Variants in FBLN1 observed in about 807,000 individuals in gnomAD.
The protein encoded by FBLN1 is fibulin-1.
FBLN1 carries 34 observed loss-of-function variants against 89.7 expected under a neutral mutation model. The ratio of observed to expected loss-of-function variants is 0.38; its 90% CI spans 0.29 to 0.50. The LOEUF is 0.50. FBLN1 is among the 20% of genes least tolerant of loss of function. The probability of loss-of-function intolerance (pLI) is 0.92; values close to 1 mark genes in which losing one functional copy is unlikely to be tolerated. For synonymous variants in FBLN1, 393 were observed against 391.3 expected (o/e 1.00, Z -0.05); for missense variants, 777 against 988.1 (o/e 0.79, Z 2.86).
rs1358183071 is a variant in FBLN1 at position 45,572,805 on chromosome 22, A to G, written c.1698-1706A>G. Reference sequence around the variant, plus strand: ...ATCAGGCCTCTGGATCTGGCTGCCAATGTCCAAGAAATCCAGTGGACAGAG... The same window carrying G: ...ATCAGGCCTCTGGATCTGGCTGCCAGTGTCCAAGAAATCCAGTGGACAGAG... On this transcript the variant is annotated intron_variant, in intron 14 of 16. Transcript: ENST00000327858. The surrounding 1 kb of genome is among the most constrained non-coding windows in gnomAD (Gnocchi z 5.8). 1.3e-5 allele frequency among the ~76,000 whole-genome samples: 2 copies of G among 152,254 alleles called. No individual in the cohort carries two copies. The highest frequency in any genetic ancestry group is 4.8e-5 in the African/African-American group (2 of 41,464).
At chr22:45,540,875 C>T (rs1222929128) in intron 8 of FBLN1, among the ~76,000 whole-genome samples, 3 of 152,242 alleles carry the variant, frequency 2.0e-5, no homozygotes, top group African/African-American at 7.2e-5. Context: ...GTCAGAGTTG[C>T]TGGCACCACG....
At chr22:45,510,847 T>C (rs1243049539) in intron 1 of FBLN1, among the ~76,000 whole-genome samples, 1 of 152,014 alleles carries the variant, frequency 6.6e-6, no homozygotes, top group Non-Finnish European at 1.5e-5. Flanking sequence ...TGGAAAAAAT[T>C]TAGTTTTAGC....
In FBLN1 at chr22:45,542,254, AT is replaced by A; in HGVS notation, c.1170del (p.Phe390LeufsTer141). The A allele has an allele frequency of 6.2e-7, 1 of 1,614,044 alleles. No homozygotes were observed. ...CGCTGCGAATGCAAGACGGGTTACT[AT>A]TTTGACGGCATCAGCAGGATGTGTG... ...SFRCECKTGY[Y>X]FDGISRMCVD... is the part of the protein sequence containing the mutation. On this transcript the variant is annotated frameshift_variant, in exon 10 of 17. Coordinates refer to ENST00000327858, the MANE Select transcript of FBLN1 (RefSeq NM_006486.3). LOFTEE classifies it high-confidence loss of function.
rs1318894529 is a variant in FBLN1 at position 45,542,158 on chromosome 22, T to C, written c.1070T>C (p.Val357Ala). 6.2e-7 allele frequency: 1 copy of C among 1,614,206 alleles called. No homozygotes were observed. Among genetic ancestry groups the C allele is most frequent in the East Asian group, 2.2e-5 (1 of 44,890 alleles). ...GGCTTTCTTTCTCCTTTGCAAGATGTGGACGAGTGCGCGCCACCTGCTGAG... is the reference window on the plus strand; with the variant it reads ...GGCTTTCTTTCTCCTTTGCAAGATGCGGACGAGTGCGCGCCACCTGCTGAG... ...LNEEGTRCVD[V>A]DECAPPAEPC... Residue 357 changes from valine (V) to alanine (A), a missense_variant, in exon 10 of 17, where the codon GTG becomes GCG. By Grantham distance (64) the Val-to-Ala change is moderately conservative. Coordinates refer to ENST00000327858, the MANE Select transcript of FBLN1 (RefSeq NM_006486.3).
intron 1 of FBLN1, among the ~76,000 whole-genome samples, chr22:45,514,662 C>A (rs545807492): frequency 6.6e-6 from 1 of 152,174 alleles, no homozygotes; most frequent in Non-Finnish European, 1.5e-5. Flanking sequence ...CTTTGCATGT[C>A]AAGAGTGGTC....
intron 16 of FBLN1, among the ~76,000 whole-genome samples, chr22:45,599,912 C>T (rs6007107): frequency 0.29 from 44,506 of 152,104 alleles, 9,496 homozygotes; most frequent in African/African-American, 0.6. Context: ...AGTGAAACTC[C>T]GTCGCAAAAA....
chr22:45,594,002 C>G (rs961685918), intron 16 of FBLN1, among the ~76,000 whole-genome samples: 4 of 152,150 alleles, frequency 2.6e-5, no homozygotes, highest in Non-Finnish European at 2.9e-5. Context: ...AGACCAGGTG[C>G]CAGGTGACAT....
rs1569269785 is a variant in FBLN1 at position 45,594,854 on chromosome 22, G to GGA, written c.1973-5453_1973-5452insGA. ...AGTTGATGGATTGCTGAGTGGGTGGGTGGATGGATGGATGGACGGATGGAT... is the reference window on the plus strand; with the variant it reads ...AGTTGATGGATTGCTGAGTGGGTGGGGATGGATGGATGGATGGACGGATGGAT... On this transcript the variant is annotated intron_variant, in intron 16 of 16. Transcript: ENST00000327858. Among the ~76,000 whole-genome samples, 6 of 150,784 alleles carry GGA rather than the reference G, an allele frequency of 4.0e-5. 1 individual carries two copies. The highest frequency in any genetic ancestry group is 1.5e-4 in the African/African-American group (6 of 40,726).
intron 1 of FBLN1, among the ~76,000 whole-genome samples, chr22:45,507,974 G>GTGAT (rs2088045779): frequency 6.6e-6 from 1 of 152,204 alleles, no homozygotes; most frequent in East Asian, 1.9e-4. Context: ...ACTGATGCGT[G>GTGAT]TGATAGGTTG....
At chr22:45,511,452 CTT>C (rs760422823) in intron 1 of FBLN1, among the ~76,000 whole-genome samples, 4 of 130,628 alleles carry the variant, frequency 3.1e-5, no homozygotes, top group Non-Finnish European at 3.2e-5. Context: ...CCATGCCTGG[CTT>C]TTTTTTTTTT....
At chr22:45,504,679 T>C (rs1422225918) in intron 1 of FBLN1, among the ~76,000 whole-genome samples, 1 of 152,060 alleles carries the variant, frequency 6.6e-6, no homozygotes, top group Non-Finnish European at 1.5e-5. Flanking sequence ...CTCTCACTGT[T>C]CTTTTCTGTC....
At chr22:45,553,171 G>A (rs2146998717) in intron 14 of FBLN1, among the ~76,000 whole-genome samples, 1 of 152,386 alleles carries the variant, frequency 6.6e-6, no homozygotes, top group Middle Eastern at 3.4e-3. Context: ...ACCTGGGGTG[G>A]CCAGAACTGC....
chr22:45,590,137 G>A lies in FBLN1; in HGVS notation c.1973-10170G>A, dbSNP rs1487640455. Among the ~76,000 whole-genome samples, 2 of 152,342 alleles carry A rather than the reference G, an allele frequency of 1.3e-5. No homozygotes were observed. The highest frequency in any genetic ancestry group is 3.4e-3 in the Middle Eastern group (1 of 294). On this transcript the variant is annotated intron_variant, in intron 16 of 16. Coordinates refer to ENST00000327858, the MANE Select transcript of FBLN1 (RefSeq NM_006486.3). This position sits in a 1 kb window ranked among gnomAD's most constrained non-coding sequence, Gnocchi z 4.1. The stretch of plus-strand genomic sequence containing the variant: ...GCAAGTGCTCTGTGCTTGTCAGATA[G>A]AGAAGAGAGGGCTCTGCTCTGACCT...
At chr22:45,533,996 C>T (rs1018144680) in intron 7 of FBLN1, 98 bp downstream of exon 7, 76 of 1,540,772 alleles carry the variant, frequency 4.9e-5, no homozygotes, top group Non-Finnish European at 6.5e-5. Context: ...CGCAGTCCTG[C>T]GCCCTCTGTG....
chr22:45,580,980 C>T lies in FBLN1; in HGVS notation c.1972+3872C>T, dbSNP rs560507575. Among the ~76,000 whole-genome samples the T allele has an allele frequency of 1.3e-4, 20 of 152,336 alleles. No homozygotes were observed. Among genetic ancestry groups the T allele is most frequent in the Middle Eastern group, 3.4e-3 (1 of 294 alleles). On this transcript the variant is annotated intron_variant, in intron 16 of 16. Coordinates refer to ENST00000327858, the MANE Select transcript of FBLN1 (RefSeq NM_006486.3). The surrounding 1 kb of genome is among the most constrained non-coding windows in gnomAD (Gnocchi z 8.6). ...CAAAGAAAAATGAAGAATGCGTTTTCGCCCTGTGCAAAAATGCTCCATTAA... is the reference window on the plus strand; with the variant it reads ...CAAAGAAAAATGAAGAATGCGTTTTTGCCCTGTGCAAAAATGCTCCATTAA...
chr22:45,532,866 A>T lies in FBLN1; in HGVS notation c.545-197A>T, dbSNP rs136743. ...AGACGGGGAGGTTGGGACCTGAAGCAGCAGCCCCTGGGGGGTGTCCAGAGC... is the reference window on the plus strand; with the variant it reads ...AGACGGGGAGGTTGGGACCTGAAGCTGCAGCCCCTGGGGGGTGTCCAGAGC... On this transcript the variant is annotated intron_variant, in intron 5 of 16. Coordinates refer to ENST00000327858, the MANE Select transcript of FBLN1 (RefSeq NM_006486.3). This position sits in a 1 kb window ranked among gnomAD's most constrained non-coding sequence, Gnocchi z 4.2. 8.1e-6 allele frequency: 5 copies of T among 614,424 alleles called. No homozygotes were observed. The East Asian group carries it at 1.1e-4, about 14-fold the overall frequency. The allele number at this position is 614,424 out of a possible 1,614,324, so 38.1% of individuals were successfully genotyped here.
chr22:45,586,890 G>T (rs1445397144), intron 16 of FBLN1, among the ~76,000 whole-genome samples: 1 of 152,146 alleles, frequency 6.6e-6, no homozygotes, highest in Admixed American at 6.5e-5. Context: ...CCACAGCACC[G>T]GGAGCCAGCA....
intron 16 of FBLN1, among the ~76,000 whole-genome samples, chr22:45,594,741 GGTGA>G (rs2089169577): frequency 6.6e-6 from 1 of 151,164 alleles, no homozygotes; most frequent in Non-Finnish European, 1.5e-5. Context: ...TAGATGGATG[GGTGA>G]GTGGATAGAT....
chr22:45,539,352 A>G (rs1356361037), intron 8 of FBLN1, among the ~76,000 whole-genome samples: 4 of 150,746 alleles, frequency 2.7e-5, no homozygotes, highest in African/African-American at 9.8e-5. Context: ...AGGTGCCCAC[A>G]ACCATGCCTG....
Sources: allele counts gnomAD v4.1 joint callset (sites outside exome capture counted in the v4.1 genomes callset), GRCh38; gene constraint gnomAD v4.1.1; non-coding constraint Gnocchi (gnomAD v3.1); transcripts MANE v1.5; gene names NCBI Gene and HGNC (gene_info 2026-07-23, HGNC 2026-07-21).